Variants in VAC14 observed in about 807,000 individuals in gnomAD.
VAC14 encodes the protein VAC14 component of PIKFYVE complex, also known as protein VAC14 homolog.
A neutral mutation model predicts 85.3 loss-of-function variants in VAC14; 47 were observed. The ratio of observed to expected loss-of-function variants is 0.55; its 90% CI spans 0.44 to 0.70. The LOEUF (loss-of-function observed/expected upper bound fraction) is 0.70, where lower values mean the gene tolerates loss of function less well. Ranked by LOEUF, VAC14 falls within the 30% of genes least tolerant of loss-of-function variation. The pLI is 0.00. For synonymous variants in VAC14, 447 were observed against 430.5 expected (o/e 1.04, Z -0.47); for missense variants, 861 against 1,004.3 (o/e 0.86, Z 1.93).
At chr16:70,800,009 C>A (rs908519094) in intron 1 of VAC14, among the ~76,000 whole-genome samples, 2 of 152,196 alleles carry the variant, frequency 1.3e-5, no homozygotes, top group Admixed American at 6.5e-5. Context: ...GACTCGCAGA[C>A]TGGTATTCTT....
chr16:70,703,512 GAC>G (rs2053868115), intron 14 of VAC14, among the ~76,000 whole-genome samples: 1 of 152,240 alleles, frequency 6.6e-6, no homozygotes, highest in Admixed American at 6.5e-5. Flanking sequence ...AGAAGGCAAA[GAC>G]ACACGCCATT....
intron 1 of VAC14, among the ~76,000 whole-genome samples, chr16:70,794,845 T>G (rs1038417005): frequency 2.0e-5 from 3 of 152,236 alleles, no homozygotes; most frequent in Admixed American, 6.5e-5. Context: ...AAAATTACCT[T>G]GAGCCACTGG....
At chr16:70,714,080 T>G (rs998288887) in intron 14 of VAC14, 3 of 152,172 alleles carry the variant, frequency 2.0e-5, no homozygotes, top group Non-Finnish European at 4.4e-5. Flanking sequence ...CCCTCTCCTG[T>G]GGCCTGCTTG....
At chr16:70,797,633 T>C (rs2034600425) in intron 1 of VAC14, among the ~76,000 whole-genome samples, 1 of 152,216 alleles carries the variant, frequency 6.6e-6, no homozygotes, top group South Asian at 2.1e-4. Flanking sequence ...TTTGGATCTG[T>C]GTCCCCACCA....
intron 12 of VAC14, among the ~76,000 whole-genome samples, chr16:70,748,479 A>G (rs1173411646): frequency 6.6e-6 from 1 of 152,204 alleles, no homozygotes; most frequent in Non-Finnish European, 1.5e-5. Flanking sequence ...AAGGGAGAGA[A>G]TGGCATTCAA....
intron 12 of VAC14, among the ~76,000 whole-genome samples, chr16:70,750,786 C>G (rs577633236): frequency 7.9e-5 from 12 of 152,234 alleles, no homozygotes; most frequent in Non-Finnish European, 1.2e-4. Context: ...CAGGCCCTCA[C>G]TGTCCCAACA....
Position 70,762,212 on chromosome 16 carries a change from A to G in VAC14, c.1371+328T>C, listed in dbSNP as rs370647513. Among the ~76,000 whole-genome samples, 31 of 152,102 alleles carry G rather than the reference A, an allele frequency of 2.0e-4. No homozygotes were observed. Among genetic ancestry groups the G allele is most frequent in the African/African-American group, 4.8e-4 (20 of 41,482 alleles). On this transcript the variant is annotated intron_variant, in intron 12 of 18. Coordinates refer to ENST00000261776, the MANE Select transcript of VAC14 (RefSeq NM_018052.5). The surrounding 1 kb of genome is among the most constrained non-coding windows in gnomAD (Gnocchi z 4.1). ...AACCTCTGCCTCCTGGGTTCAAGCA[A>G]TTCTCCCACCTCAACCTCCTGAGCA...
intron 1 of VAC14, among the ~76,000 whole-genome samples, chr16:70,787,662 G>T (rs528564410): frequency 6.0e-4 from 91 of 152,350 alleles, no homozygotes; most frequent in African/African-American, 2.1e-3. Flanking sequence ...GTGGTCAGGG[G>T]AGTTTTCCTG....
chr16:70,688,567 C>A, intron 18 of VAC14: 1 of 985,818 alleles, frequency 1.0e-6, no homozygotes, highest in Non-Finnish European at 1.2e-6. Flanking sequence ...CTCCACTTGG[C>A]AGGACATTTG....
At position 70,700,904 on chromosome 16, in the gene VAC14, G is replaced by A. The variant is rs749387455; in HGVS notation, c.1662-2093C>T. ...GCAGCGCTCTCCAGGGATCCAGGCC[G>A]GCAGGCGGGACCTGTGGCAGCAGAG... On this transcript the variant is annotated intron_variant, in intron 14 of 18. Transcript: ENST00000261776. Among the ~76,000 whole-genome samples the A allele has an allele frequency of 5.0e-4, 76 of 152,180 alleles. 1 individual carries two copies. Among genetic ancestry groups the A allele is most frequent in the Admixed American group, 2.9e-3 (44 of 15,282 alleles).
At chr16:70,785,612 A>G (rs1015463646) in intron 3 of VAC14, 90 bp downstream of exon 3, 23 of 1,434,504 alleles carry the variant, frequency 1.6e-5, no homozygotes, top group Non-Finnish European at 1.9e-5. Flanking sequence ...CTCTGCTTGC[A>G]TCTGGGAAAA....
In VAC14 at chr16:70,800,984, C is replaced by T. The variant is rs913363121; in HGVS notation, c.-84G>A. On this transcript the variant is annotated 5_prime_UTR_variant, in exon 1 of 19. Transcript: ENST00000261776. ...GGCCAGGGGAGTCTGCGGCTCCGCT[C>T]TGCCCCCGGCGCCGGCGCATGGACC... is the stretch of plus-strand genomic sequence containing the variant. 2.1e-6 allele frequency: 2 copies of T among 950,116 alleles called. No homozygotes were observed. The highest frequency in any genetic ancestry group is 1.8e-5 in the African/African-American group (1 of 57,132). The allele number at this position is 950,116 out of a possible 1,614,324, so 58.9% of individuals were successfully genotyped here.
intron 14 of VAC14, 26 bp from the exon 15 acceptor site, chr16:70,698,837 G>C (rs1454630646): frequency 6.2e-7 from 1 of 1,611,658 alleles, no homozygotes; most frequent in Admixed American, 1.7e-5. Context: ...ACTGGGGTCA[G>C]GGCGCAGGCC....
chr16:70,710,660 G>A (rs766141789), intron 14 of VAC14, among the ~76,000 whole-genome samples: 8 of 152,270 alleles, frequency 5.3e-5, no homozygotes, highest in Non-Finnish European at 1.0e-4. Flanking sequence ...ACAGTTTACA[G>A]ATGGTGAGCC....
At position 70,762,691 on chromosome 16, in the gene VAC14, G is replaced by T; in HGVS notation, c.1306-86C>A. On this transcript the variant is annotated intron_variant, in intron 11 of 18. Coordinates refer to ENST00000261776, the MANE Select transcript of VAC14 (RefSeq NM_018052.5). The surrounding 1 kb of genome is among the most constrained non-coding windows in gnomAD (Gnocchi z 4.1). ...GTGCAGTGTCCCGCTGGTGTGCACGGACCCACTGGTCTGCACGGACCACTT... is the reference window on the plus strand; with the variant it reads ...GTGCAGTGTCCCGCTGGTGTGCACGTACCCACTGGTCTGCACGGACCACTT... 1 of 1,521,202 alleles carries T rather than the reference G, an allele frequency of 6.6e-7. No homozygotes were observed. Among genetic ancestry groups the T allele is most frequent in the Non-Finnish European group, 9.0e-7 (1 of 1,106,180 alleles). 94.2% of individuals were successfully genotyped at this position (1,521,202 alleles called of 1,614,324 possible).
At chr16:70,750,736 G>A (rs1449413787) in intron 12 of VAC14, among the ~76,000 whole-genome samples, 2 of 152,162 alleles carry the variant, frequency 1.3e-5, no homozygotes, top group African/African-American at 4.8e-5. Flanking sequence ...TAGTCTCTCT[G>A]GGATGGTGGC....
At chr16:70,775,561 C>T (rs1293012477) in intron 9 of VAC14, among the ~76,000 whole-genome samples, 1 of 152,218 alleles carries the variant, frequency 6.6e-6, no homozygotes, top group Non-Finnish European at 1.5e-5. Context: ...CAGGACGCAG[C>T]TCAGAGGGGA....
intron 1 of VAC14, among the ~76,000 whole-genome samples, chr16:70,791,526 A>C (rs1333730290): frequency 1.3e-5 from 2 of 152,162 alleles, no homozygotes; most frequent in East Asian, 3.8e-4. Context: ...CTGGAGTCAC[A>C]GGCGCCTGCC....
At chr16:70,727,542 G>A (rs780067374) in intron 14 of VAC14, among the ~76,000 whole-genome samples, 3 of 152,194 alleles carry the variant, frequency 2.0e-5, no homozygotes, top group Admixed American at 6.5e-5. Context: ...GTTTCGCTAT[G>A]TTGGCCAGGC....
Sources: allele counts gnomAD v4.1 joint callset (sites outside exome capture counted in the v4.1 genomes callset), GRCh38; gene constraint gnomAD v4.1.1; non-coding constraint Gnocchi (gnomAD v3.1); transcripts MANE v1.5; gene names NCBI Gene and HGNC (gene_info 2026-07-23, HGNC 2026-07-21).